The following KLF8 variants were observed in gnomAD, a reference collection of about 807,000 sequenced individuals.
KLF8 encodes the protein Krueppel-like factor 8.
Under a neutral mutation model 18.2 loss-of-function variants are expected in KLF8, and 10 were observed. The observed-to-expected ratio is 0.55, with a 90% confidence interval of 0.34 to 0.93. The LOEUF is 0.93. KLF8 is among the 40% of genes least tolerant of loss of function. KLF8 has a pLI of 0.02. For missense variants in KLF8, 264 were observed against 277.9 expected, an observed-to-expected ratio of 0.95 and a Z score of 0.36; for synonymous variants, 109 against 97.3, an observed-to-expected ratio of 1.12 and a Z score of -0.71.
At chrX:55,980,683 T>A in the KLF8 span, among the ~76,000 whole-genome samples, 2 of 111,976 alleles carry the variant, frequency 1.8e-5, no homozygotes, top group Non-Finnish European at 1.9e-5. Flanking sequence ...CTAAGAGACA[T>A]GGTTAAATCA....
the KLF8 span, among the ~76,000 whole-genome samples, chrX:55,982,009 G>A: frequency 7.2e-5 from 8 of 110,700 alleles, no homozygotes; most frequent in Admixed American, 4.9e-4. Flanking sequence ...TGAAAGAAGA[G>A]CAAGAAGGGC....
chrX:56,228,248 A>G (rs773529573), upstream of KLF8, among the ~76,000 whole-genome samples: 14 of 112,359 alleles, frequency 1.2e-4, 1 homozygote, highest in South Asian at 4.8e-3. Flanking sequence ...TGCCATTGCT[A>G]TGAATATTAG....
chrX:55,964,031 G>A, the KLF8 span, among the ~76,000 whole-genome samples: 20 of 111,714 alleles, frequency 1.8e-4, no homozygotes, highest in African/African-American at 6.5e-4. Context: ...GACCTGCCTC[G>A]AATGTAAATG....
the KLF8 span, among the ~76,000 whole-genome samples, chrX:56,081,281 C>T: frequency 4.5e-4 from 50 of 111,420 alleles, no homozygotes; most frequent in Non-Finnish European, 5.1e-4. Context: ...GTGGTTTTAT[C>T]TACTTTTGGT....
the KLF8 span, among the ~76,000 whole-genome samples, chrX:56,170,447 A>G: frequency 9.0e-6 from 1 of 110,531 alleles, no homozygotes; most frequent in Non-Finnish European, 1.9e-5. Flanking sequence ...GGTAACACAA[A>G]GAAACAATTC....
At chrX:55,961,476 T>A in the KLF8 span, 1 of 550,046 alleles carries the variant, frequency 1.8e-6, no homozygotes, top group Non-Finnish European at 3.4e-6. Flanking sequence ...CCACAAAAAA[T>A]TTGGACAAAG....
the KLF8 span, among the ~76,000 whole-genome samples, chrX:56,012,400 T>G: frequency 8.9e-6 from 1 of 111,809 alleles, no homozygotes. Flanking sequence ...CAACATCCCT[T>G]CATATTAAAA....
At chrX:56,205,717 T>A in the KLF8 span, among the ~76,000 whole-genome samples, 2 of 111,890 alleles carry the variant, frequency 1.8e-5, no homozygotes, top group Non-Finnish European at 3.8e-5. Flanking sequence ...TCTGAATAAT[T>A]TGAGTAGGAT....
chrX:56,182,480 A>G, the KLF8 span, among the ~76,000 whole-genome samples: 2 of 112,473 alleles, frequency 1.8e-5, no homozygotes, highest in Non-Finnish European at 3.8e-5. Flanking sequence ...CATCAAAGTC[A>G]TTCTCCATCC....
At chrX:56,050,844 A>T in the KLF8 span, among the ~76,000 whole-genome samples, 16 of 109,805 alleles carry the variant, frequency 1.5e-4, no homozygotes, top group East Asian at 2.9e-4. Flanking sequence ...TGTCTCATTG[A>T]TCTGTCTAAT....
the KLF8 span, among the ~76,000 whole-genome samples, chrX:56,067,831 G>C: frequency 2.7e-5 from 3 of 112,111 alleles, no homozygotes; most frequent in Non-Finnish European, 5.6e-5. Flanking sequence ...ACAAGCCTTG[G>C]GCCCTAGAAA....
chrX:56,270,405 A>AC, intron 5 of KLF8, 84 bp downstream of exon 5: 7 of 266,661 alleles, frequency 2.6e-5, no homozygotes, highest in South Asian at 1.5e-4. Context: ...AGAGAGGGGC[A>AC]GAGAGAGAGA....
chrX:56,193,348 G>C, the KLF8 span, among the ~76,000 whole-genome samples: 2 of 111,630 alleles, frequency 1.8e-5, no homozygotes, highest in South Asian at 3.7e-4. Context: ...CAGAGAAAAG[G>C]GAACACTTGT....
At chrX:55,952,048 C>T in the KLF8 span, among the ~76,000 whole-genome samples, 3 of 112,078 alleles carry the variant, frequency 2.7e-5, no homozygotes, top group Non-Finnish European at 5.6e-5. Context: ...AGGACATTCC[C>T]TGCTATAATT....
chrX:56,278,232 G>A (rs990691675), intron 5 of KLF8, among the ~76,000 whole-genome samples: 1 of 111,680 alleles, frequency 9.0e-6, no homozygotes, highest in Non-Finnish European at 1.9e-5. Flanking sequence ...TCTCCCCATA[G>A]CCATCACAGC....
At chrX:55,982,257 T>G in the KLF8 span, among the ~76,000 whole-genome samples, 149 of 112,009 alleles carry the variant, frequency 1.3e-3, no homozygotes, top group Non-Finnish European at 1.9e-3. Flanking sequence ...AGTACATTTG[T>G]GAACCATTGG....
the KLF8 span, among the ~76,000 whole-genome samples, chrX:56,123,132 G>C: frequency 9.1e-6 from 1 of 109,971 alleles, no homozygotes; most frequent in African/African-American, 3.3e-5. Context: ...TAGAATGAGG[G>C]CTCCTCATTA....
At chrX:56,087,440 C>A in the KLF8 span, among the ~76,000 whole-genome samples, 1 of 110,151 alleles carries the variant, frequency 9.1e-6, no homozygotes, top group East Asian at 2.9e-4. Flanking sequence ...CCCCTCACCC[C>A]TCTCTTGTTC....
At chrX:55,992,288 A>G in the KLF8 span, among the ~76,000 whole-genome samples, 2 of 112,345 alleles carry the variant, frequency 1.8e-5, no homozygotes, top group Non-Finnish European at 3.8e-5. Flanking sequence ...TGGGGAAAAG[A>G]TAGGGTTCAC....
Sources: gnomAD v4.1 joint callset for allele counts (sites outside exome capture counted in the v4.1 genomes callset) on GRCh38, gnomAD v4.1.1 for gene constraint, MANE v1.5 for transcripts, NCBI Gene and HGNC (gene_info 2026-07-23, HGNC 2026-07-21) for gene names.